MICU1: variants seen among roughly 807,000 people sequenced by gnomAD.
MICU1 encodes the protein mitochondrial calcium uptake 1, also known as calcium uptake protein 1, mitochondrial.
MICU1 carries 45 observed loss-of-function variants against 56.8 expected under a neutral mutation model. That is an observed-to-expected ratio of 0.79 (90% CI 0.62 to 1.02). MICU1 has a LOEUF of 1.02. MICU1 is among the 50% of genes least tolerant of loss of function. MICU1 has a pLI of 0.00. For synonymous variants in MICU1, 186 were observed against 195.1 expected (o/e 0.95, Z 0.39); for missense variants, 504 against 587.1 (o/e 0.86, Z 1.46).
At chr10:72,623,327 G>GA (rs1420458036) in intron 1 of MICU1, among the ~76,000 whole-genome samples, 5 of 92,428 alleles carry the variant, frequency 5.4e-5, no homozygotes, top group Non-Finnish European at 7.1e-5. Context: ...AAAAAGACAA[G>GA]AAAAGAAAAG....
chr10:72,448,471 GC>G (rs1449297896), intron 8 of MICU1, among the ~76,000 whole-genome samples: 1 of 151,210 alleles, frequency 6.6e-6, no homozygotes, highest in Non-Finnish European at 1.5e-5. Context: ...ACCGCACCTG[GC>G]CAAGTTAATA....
At chr10:72,589,304 A>G (rs1841156422) in intron 1 of MICU1, among the ~76,000 whole-genome samples, 2 of 151,966 alleles carry the variant, frequency 1.3e-5, no homozygotes, top group African/African-American at 2.4e-5. Flanking sequence ...AAAAAAAAAA[A>G]GGACATAATG....
At chr10:72,566,612 A>G (rs1317813883) in intron 2 of MICU1, 21 bp downstream of exon 2, 1 of 1,604,694 alleles carries the variant, frequency 6.2e-7, no homozygotes, top group Admixed American at 1.7e-5. Flanking sequence ...CGCAAGAACA[A>G]GATGGTTGGA....
At chr10:72,543,586 T>C (rs1028648757) in intron 4 of MICU1, among the ~76,000 whole-genome samples, 6 of 152,202 alleles carry the variant, frequency 3.9e-5, no homozygotes, top group Non-Finnish European at 8.8e-5. Flanking sequence ...ACGAACGTGG[T>C]GGCTCACGCC....
chr10:72,428,786 A>G (rs1252684904), intron 8 of MICU1, among the ~76,000 whole-genome samples: 1 of 152,208 alleles, frequency 6.6e-6, no homozygotes, highest in East Asian at 1.9e-4. Context: ...CAAGATAATA[A>G]CAATCAGGAA....
chr10:72,413,361 T>G (rs370476093), intron 9 of MICU1, among the ~76,000 whole-genome samples: 1 of 152,118 alleles, frequency 6.6e-6, no homozygotes, highest in African/African-American at 2.4e-5. Flanking sequence ...ATTTAAAAAA[T>G]TTGTGCTTCA....
intron 5 of MICU1, among the ~76,000 whole-genome samples, chr10:72,515,441 T>C (rs1867618340): frequency 6.6e-6 from 1 of 152,170 alleles, no homozygotes; most frequent in Non-Finnish European, 1.5e-5. Flanking sequence ...AGTTATATTG[T>C]AGAATATCTC....
At chr10:72,379,996 G>A (rs1237540131) in intron 10 of MICU1, among the ~76,000 whole-genome samples, 4 of 152,200 alleles carry the variant, frequency 2.6e-5, no homozygotes, top group African/African-American at 9.7e-5. Context: ...CCTGGGATGA[G>A]TGGGATGACG....
chr10:72,613,037 A>G (rs1841891696), intron 1 of MICU1, among the ~76,000 whole-genome samples: 1 of 151,864 alleles, frequency 6.6e-6, no homozygotes, highest in Admixed American at 6.6e-5. Context: ...TCTTTTTCAG[A>G]AAAAAAATTA....
intron 11 of MICU1, among the ~76,000 whole-genome samples, chr10:72,371,660 C>T (rs1001357915): frequency 4.6e-5 from 7 of 152,164 alleles, no homozygotes; most frequent in Non-Finnish European, 1.0e-4. Flanking sequence ...AGGAGAATTG[C>T]TTGACCCCGG....
intron 11 of MICU1, among the ~76,000 whole-genome samples, chr10:72,369,699 T>TG (rs1043181288): frequency 5.3e-5 from 8 of 151,936 alleles, no homozygotes; most frequent in African/African-American, 1.7e-4. Context: ...TGTTTTTTTT[T>TG]TTGTTGTTGT....
At chr10:72,478,304 C>T (rs1866185837) in intron 6 of MICU1, among the ~76,000 whole-genome samples, 1 of 152,136 alleles carries the variant, frequency 6.6e-6, no homozygotes, top group African/African-American at 2.4e-5. Flanking sequence ...ATGATGAAAG[C>T]TTTTCAAGGC....
chr10:72,370,633 C>T (rs758360760), intron 11 of MICU1, among the ~76,000 whole-genome samples: 4 of 152,116 alleles, frequency 2.6e-5, no homozygotes, highest in Admixed American at 2.6e-4. Context: ...ACTGGAGGTA[C>T]CAAGTAGGGC....
At chr10:72,578,411 C>A (rs1244997876) in intron 1 of MICU1, among the ~76,000 whole-genome samples, 2 of 145,132 alleles carry the variant, frequency 1.4e-5, no homozygotes, top group African/African-American at 5.3e-5. Context: ...GCATGTGCCA[C>A]CATGCCTGGC....
chr10:72,463,768 T>G (rs1190574930), intron 8 of MICU1, among the ~76,000 whole-genome samples: 2 of 152,178 alleles, frequency 1.3e-5, no homozygotes, highest in African/African-American at 4.8e-5. Context: ...GTGTACAGTG[T>G]ATATAAAGTC....
chr10:72,430,291 A>G (rs1327537557), intron 8 of MICU1, among the ~76,000 whole-genome samples: 3 of 152,122 alleles, frequency 2.0e-5, no homozygotes, highest in African/African-American at 7.2e-5. Context: ...TTTTTTGTCT[A>G]TGGTAAGTAC....
intron 5 of MICU1, among the ~76,000 whole-genome samples, chr10:72,519,742 A>C (rs1322413249): frequency 6.6e-6 from 1 of 152,202 alleles, no homozygotes; most frequent in Non-Finnish European, 1.5e-5. Context: ...TCTGGGACTC[A>C]AGTATATGAA....
intron 8 of MICU1, among the ~76,000 whole-genome samples, chr10:72,460,131 C>T (rs1412778579): frequency 2.0e-5 from 3 of 152,188 alleles, no homozygotes; most frequent in Non-Finnish European, 4.4e-5. Context: ...TGGTTCCCTA[C>T]AGGTTTTAGG....
At chr10:72,524,567 T>C (rs1287551003) in intron 5 of MICU1, among the ~76,000 whole-genome samples, 2 of 152,190 alleles carry the variant, frequency 1.3e-5, no homozygotes, top group African/African-American at 4.8e-5. Flanking sequence ...AGTGCTTGGA[T>C]TGTCATATTA....
Sources: allele counts gnomAD v4.1 joint callset (sites outside exome capture counted in the v4.1 genomes callset), GRCh38; gene constraint gnomAD v4.1.1; transcripts MANE v1.5; gene names NCBI Gene and HGNC (gene_info 2026-07-23, HGNC 2026-07-21).